The following THSD7A variants were observed in gnomAD, a reference collection of about 807,000 sequenced individuals.
THSD7A encodes the protein thrombospondin type 1 domain containing 7A.
Under a neutral mutation model 231.3 loss-of-function variants are expected in THSD7A, and 96 were observed. The observed-to-expected ratio is 0.41, with a 90% CI of 0.35 to 0.49. The LOEUF is 0.49. Among genes scored for constraint, THSD7A ranks in the 20% least tolerant of loss-of-function variants. THSD7A has a pLI of 0.05. For missense variants in THSD7A, 2,290 were observed against 2,070.2 expected (o/e 1.11, Z -2.06); for synonymous variants, 940 against 743.3 (o/e 1.26, Z -4.30).
intron 1 of THSD7A, among the ~76,000 whole-genome samples, chr7:11,668,304 G>C (rs1359975882): frequency 6.6e-6 from 1 of 152,036 alleles, no homozygotes. Context: ...TGTAATCCCA[G>C]CTTCTCGGGA....
Position 11,374,311 on chromosome 7 carries a change from G to C in THSD7A, c.*1483C>G, listed in dbSNP as rs138978132. ...AATATTTTCTATATAGTCCTTTACA[G>C]AAAAAGTTTGCCACTCTTGCTCTAG... On this transcript the variant is annotated 3_prime_UTR_variant, in exon 28 of 28. Transcript: ENST00000423059. The C allele has an allele frequency of 2.7e-3, 406 of 152,228 alleles. 2 individuals are homozygous for C. The highest frequency in any genetic ancestry group is 9.6e-3 in the African/African-American group (397 of 41,560). 9.4% of individuals were successfully genotyped at this position (152,228 alleles called of 1,614,324 possible).
chr7:11,648,637 C>T (rs376039303), intron 1 of THSD7A, among the ~76,000 whole-genome samples: 16 of 141,136 alleles, frequency 1.1e-4, no homozygotes, highest in South Asian at 4.7e-4. Context: ...TATTTTGTGG[C>T]GTGTGTGTGT....
intron 6 of THSD7A, among the ~76,000 whole-genome samples, chr7:11,519,447 C>G (rs185655405): frequency 2.9e-4 from 44 of 152,282 alleles, no homozygotes; most frequent in African/African-American, 1.0e-3. Context: ...GGCAGGATTC[C>G]TAAGCCATTG....
Position 11,406,861 on chromosome 7 carries a change from C to T in THSD7A, c.4062+49G>A. The T allele has an allele frequency of 1.9e-6, 3 of 1,582,108 alleles. No homozygotes were observed. In the South Asian group the frequency reaches 3.4e-5, roughly 18 times the overall value. On this transcript the variant is annotated intron_variant, in intron 21 of 27. Transcript: ENST00000423059. This position sits in a 1 kb window ranked among gnomAD's most constrained non-coding sequence, Gnocchi z 4.7. The stretch of plus-strand genomic sequence containing the variant: ...TTTTATGTTTTTCTGCAGATGAAGT[C>T]TCTGCAGATAGAGTACACACTTCCT...
chr7:11,585,938 G>C (rs7456268), intron 4 of THSD7A, among the ~76,000 whole-genome samples: 1 of 151,858 alleles, frequency 6.6e-6, no homozygotes, highest in African/African-American at 2.4e-5. Flanking sequence ...TTTTTTTTTC[G>C]CGTCAATGTT....
At chr7:11,672,341 TTGC>T (rs1478907547) in intron 1 of THSD7A, among the ~76,000 whole-genome samples, 14 of 142,580 alleles carry the variant, frequency 9.8e-5, no homozygotes, top group African/African-American at 3.3e-4. Context: ...GTTTGTATAA[TTGC>T]TGCTATTTAA....
chr7:11,700,671 T>C (rs545472433), intron 1 of THSD7A, among the ~76,000 whole-genome samples: 1 of 151,348 alleles, frequency 6.6e-6, no homozygotes, highest in East Asian at 2.0e-4. Context: ...CACAATCATG[T>C]CTAAAAATTG....
chr7:11,530,576 T>C (rs1788663046), intron 6 of THSD7A, among the ~76,000 whole-genome samples: 1 of 152,288 alleles, frequency 6.6e-6, no homozygotes, highest in South Asian at 2.1e-4. Flanking sequence ...TAAATGATTA[T>C]ATTCCAAATT....
chr7:11,648,965 A>C (rs1019094668), intron 1 of THSD7A, among the ~76,000 whole-genome samples: 77 of 152,130 alleles, frequency 5.1e-4, no homozygotes, highest in African/African-American at 1.8e-3. Flanking sequence ...CCAGTCTCCA[A>C]GATGATTCCA....
intron 2 of THSD7A, among the ~76,000 whole-genome samples, chr7:11,600,968 C>G (rs190945134): frequency 3.7e-4 from 56 of 152,238 alleles, no homozygotes; most frequent in Admixed American, 3.5e-3. Flanking sequence ...CAGAGAGGAC[C>G]AAAATCCCAT....
chr7:11,828,348 T>TC (rs754412955), intron 1 of THSD7A, among the ~76,000 whole-genome samples: 3 of 152,198 alleles, frequency 2.0e-5, no homozygotes. Context: ...TTTATTTTTT[T>TC]CCTTCTCTCT....
chr7:11,747,301 T>C (rs566554368), intron 1 of THSD7A, among the ~76,000 whole-genome samples: 8 of 152,084 alleles, frequency 5.3e-5, no homozygotes, highest in African/African-American at 1.7e-4. Flanking sequence ...GCCCTATGGA[T>C]GAGAACAAAG....
intron 4 of THSD7A, among the ~76,000 whole-genome samples, chr7:11,557,174 T>C (rs1789881098): frequency 6.6e-6 from 1 of 152,060 alleles, no homozygotes; most frequent in African/African-American, 2.4e-5. Context: ...TATTTTTTTC[T>C]GTGTTGTTCG....
chr7:11,511,419 A>G (rs548909727), intron 6 of THSD7A, among the ~76,000 whole-genome samples: 2 of 152,226 alleles, frequency 1.3e-5, no homozygotes, highest in Non-Finnish European at 2.9e-5. Flanking sequence ...TCTTCACAGA[A>G]TTGGGAAAAA....
chr7:11,746,037 G>A (rs964416431), intron 1 of THSD7A, among the ~76,000 whole-genome samples: 2 of 152,004 alleles, frequency 1.3e-5, no homozygotes, highest in Non-Finnish European at 2.9e-5. Context: ...ACCTTGGGCA[G>A]TATGGCCATT....
chr7:11,648,017 A>T (rs908021065), intron 1 of THSD7A, among the ~76,000 whole-genome samples: 4 of 152,116 alleles, frequency 2.6e-5, no homozygotes, highest in Non-Finnish European at 5.9e-5. Flanking sequence ...CAGTCCACAA[A>T]GATCTGCCCT....
At chr7:11,648,242 A>G (rs1782357169) in intron 1 of THSD7A, among the ~76,000 whole-genome samples, 1 of 152,068 alleles carries the variant, frequency 6.6e-6, no homozygotes, top group Admixed American at 6.6e-5. Flanking sequence ...AGCCATAACA[A>G]GTGGGGCTGC....
intron 11 of THSD7A, among the ~76,000 whole-genome samples, chr7:11,460,342 C>T (rs145871868): frequency 0.011 from 1,726 of 151,372 alleles, 33 homozygotes; most frequent in African/African-American, 0.04. Flanking sequence ...CTGTGGATAC[C>T]GTAATCTAAA....
intron 1 of THSD7A, among the ~76,000 whole-genome samples, chr7:11,732,601 C>T (rs989336054): frequency 6.6e-6 from 1 of 151,772 alleles, no homozygotes; most frequent in African/African-American, 2.4e-5. Flanking sequence ...TTTACATATA[C>T]AGTGAAGAGT....
Sources: gnomAD v4.1 joint callset for allele counts (sites outside exome capture counted in the v4.1 genomes callset) on GRCh38, gnomAD v4.1.1 for gene constraint, Gnocchi (gnomAD v3.1) non-coding constraint, MANE v1.5 for transcripts, NCBI Gene and HGNC (gene_info 2026-07-23, HGNC 2026-07-21) for gene names.